The following FKBP14 variants were observed in gnomAD, a reference collection of about 807,000 sequenced individuals.
FKBP14 encodes FKBP prolyl isomerase 14, also known as peptidyl-prolyl cis-trans isomerase FKBP14.
Under a neutral mutation model 21.6 loss-of-function variants are expected in FKBP14, and 20 were observed. That is an observed-to-expected ratio of 0.92 (90% CI 0.65 to 1.34). The LOEUF (loss-of-function observed/expected upper bound fraction) is 1.34, where lower values mean the gene tolerates loss of function less well. FKBP14 is among the 40% of genes most tolerant of loss of function. The pLI, the probability that FKBP14 is intolerant of heterozygous loss-of-function variation, is 0.00. For missense variants in FKBP14, 253 were observed against 249.0 expected (o/e 1.02, Z -0.11); for synonymous variants, 79 against 86.7 (o/e 0.91, Z 0.49).
intron 3 of FKBP14, among the ~76,000 whole-genome samples, chr7:30,016,211 C>G (rs938011726): frequency 6.6e-6 from 1 of 151,832 alleles, no homozygotes; most frequent in Non-Finnish European, 1.5e-5. Flanking sequence ...CCCATGGACA[C>G]TTCTCTTAAA....
intron 3 of FKBP14, 44 bp from the exon 4 acceptor site, chr7:30,014,937 A>G: frequency 7.2e-7 from 1 of 1,389,200 alleles, no homozygotes; most frequent in Non-Finnish European, 9.7e-7. Context: ...TTCATAAGAT[A>G]CCCACATTGA....
In FKBP14 at chr7:30,026,628, C is replaced by T; in HGVS notation, c.-120G>A. 1 of 838,212 alleles carries T rather than the reference C, an allele frequency of 1.2e-6. No individual in the cohort carries two copies. Among genetic ancestry groups the T allele is most frequent in the Non-Finnish European group, 1.8e-6 (1 of 558,870 alleles). The allele number at this position is 838,212 out of a possible 1,614,324, so 51.9% of individuals were successfully genotyped here. A position where few individuals can be genotyped will look rare whatever the true frequency, so the allele number is the denominator to read the frequency against. On this transcript the variant is annotated 5_prime_UTR_variant, in exon 1 of 4. Coordinates refer to ENST00000222803, the MANE Select transcript of FKBP14 (RefSeq NM_017946.4). Reference sequence around the variant, plus strand: ...GCTTCAGACAAGTTCAGGACTCCCCCTTCTTAGAAGACGTGGCACATTTAC... The same window carrying T: ...GCTTCAGACAAGTTCAGGACTCCCCTTTCTTAGAAGACGTGGCACATTTAC...
intron 3 of FKBP14, among the ~76,000 whole-genome samples, chr7:30,017,791 G>A (rs1789929513): frequency 6.6e-6 from 1 of 152,106 alleles, no homozygotes; most frequent in African/African-American, 2.4e-5. Flanking sequence ...GAGGTGGGCA[G>A]ATCACGAGGT....
At chr7:30,015,650 G>C (rs960180715) in intron 3 of FKBP14, among the ~76,000 whole-genome samples, 23 of 144,174 alleles carry the variant, frequency 1.6e-4, no homozygotes, top group African/African-American at 5.9e-4. Flanking sequence ...TTTTGAGACG[G>C]AGTCTCACTC....
chr7:30,013,728 A>G lies in FKBP14; in HGVS notation c.*1007T>C, dbSNP rs2127946268. 1 of 152,328 alleles carries G rather than the reference A, an allele frequency of 6.6e-6. No individual in the cohort carries two copies. The highest frequency in any genetic ancestry group is 1.5e-5 in the Non-Finnish European group (1 of 68,022). 9.4% of individuals were successfully genotyped at this position (152,328 alleles called of 1,614,324 possible). A position where few individuals can be genotyped will look rare whatever the true frequency, so the allele number is the denominator to read the frequency against. ...ATAAATATAACTTTCTACCTCATCT[A>G]TAACATATTGATACATTTTATTACA... On this transcript the variant is annotated 3_prime_UTR_variant, in exon 4 of 4. Transcript: ENST00000222803.
chr7:30,007,473 G>C (rs1789638209), downstream of FKBP14, among the ~76,000 whole-genome samples: 1 of 152,150 alleles, frequency 6.6e-6, no homozygotes, highest in Non-Finnish European at 1.5e-5. Flanking sequence ...CTCCAAAAGT[G>C]CTGGGATTAC....
At chr7:30,019,279 C>T (rs1370171196) in intron 2 of FKBP14, among the ~76,000 whole-genome samples, 156 bp from the exon 3 acceptor site, 1 of 151,504 alleles carries the variant, frequency 6.6e-6, no homozygotes, top group East Asian at 1.9e-4. Context: ...ATATTTTACT[C>T]GAATAGAATA....
intron 1 of FKBP14, 42 bp downstream of exon 1, chr7:30,026,270 G>A (rs1185952953): frequency 9.1e-6 from 14 of 1,543,526 alleles, no homozygotes; most frequent in Non-Finnish European, 1.2e-5. Context: ...TAAGTGAGTG[G>A]ATTCTTAATT....
intron 1 of FKBP14, among the ~76,000 whole-genome samples, chr7:30,024,906 T>C (rs1031073338): frequency 2.3e-4 from 35 of 152,284 alleles, no homozygotes; most frequent in African/African-American, 8.4e-4. Flanking sequence ...AGACTAAAAA[T>C]AACAATATAA....
chr7:30,024,738 C>G (rs1444453023), intron 1 of FKBP14, among the ~76,000 whole-genome samples: 1 of 152,208 alleles, frequency 6.6e-6, no homozygotes, highest in Non-Finnish European at 1.5e-5. Flanking sequence ...TTAGCAGCTT[C>G]TGACCATTTA....
At position 30,026,522 on chromosome 7, in the gene FKBP14, G is replaced by A; in HGVS notation, c.-14C>T. The A allele has an allele frequency of 6.3e-7, 1 of 1,599,398 alleles. No homozygotes were observed. The highest frequency in any genetic ancestry group is 8.5e-7 in the Non-Finnish European group (1 of 1,173,656). ...GAAAAGCCTCATGTTGCTGAAGCAA[G>A]GAAAGAAGTCCCTACAAAAGCAGCG... On this transcript the variant is annotated 5_prime_UTR_variant, in exon 1 of 4. Transcript: ENST00000222803.
chr7:30,017,740 C>G, intron 3 of FKBP14, among the ~76,000 whole-genome samples: 1 of 151,814 alleles, frequency 6.6e-6, no homozygotes, highest in African/African-American at 2.4e-5. Context: ...TTCTGCTGGG[C>G]ACAGTGGTTC....
At chr7:30,018,752 A>G (rs1789955723) in intron 3 of FKBP14, among the ~76,000 whole-genome samples, 1 of 152,242 alleles carries the variant, frequency 6.6e-6, no homozygotes, top group Admixed American at 6.5e-5. Context: ...GAAAAAAGCA[A>G]AAGATTGAAT....
intron 2 of FKBP14, chr7:30,020,179 A>G: frequency 3.7e-6 from 4 of 1,083,370 alleles, no homozygotes; most frequent in Non-Finnish European, 4.7e-6. Flanking sequence ...CATAAATTCC[A>G]AAGAGAAGAC....
chr7:30,018,025 AT>A (rs1789938792), intron 3 of FKBP14, among the ~76,000 whole-genome samples: 1 of 151,576 alleles, frequency 6.6e-6, no homozygotes, highest in Non-Finnish European at 1.5e-5. Context: ...AAATAAATAA[AT>A]AAATAAATAA....
At chr7:30,026,089 TTAAC>T (rs1790164199) in intron 1 of FKBP14, among the ~76,000 whole-genome samples, 1 of 152,136 alleles carries the variant, frequency 6.6e-6, no homozygotes, top group Non-Finnish European at 1.5e-5. Flanking sequence ...ATAAAAAAAA[TTAAC>T]AGCCTTTTCC....
intron 2 of FKBP14, among the ~76,000 whole-genome samples, chr7:30,021,503 T>C (rs1056233456): frequency 3.3e-5 from 5 of 152,106 alleles, no homozygotes; most frequent in African/African-American, 1.2e-4. Flanking sequence ...GATATCTAAT[T>C]ATTCCCTTAG....
At position 30,010,771 on chromosome 7, in the gene FKBP14, T is replaced by C. The variant is rs1297477473; in HGVS notation, c.*3964A>G. 6.6e-6 allele frequency: 1 copy of C among 152,224 alleles called. No homozygotes were observed. The highest frequency in any genetic ancestry group is 6.5e-5 in the Admixed American group (1 of 15,282). 9.4% of individuals were successfully genotyped at this position (152,224 alleles called of 1,614,324 possible). The stretch of plus-strand genomic sequence containing the variant: ...ATGGAGTTGAAAAATTCCTGTCACC[T>C]GCTAGGGATGTCTTGATCCTGACCC... On this transcript the variant is annotated 3_prime_UTR_variant, in exon 4 of 4. Coordinates refer to ENST00000222803, the MANE Select transcript of FKBP14 (RefSeq NM_017946.4).
chr7:30,006,170 GA>G (rs1471930024), downstream of FKBP14, among the ~76,000 whole-genome samples: 1 of 137,678 alleles, frequency 7.3e-6, no homozygotes, highest in African/African-American at 2.7e-5. Flanking sequence ...TACCCAGGCT[GA>G]AGTGCAATGC....
Sources: gnomAD v4.1 joint callset for allele counts (sites outside exome capture counted in the v4.1 genomes callset) on GRCh38, gnomAD v4.1.1 for gene constraint, MANE v1.5 for transcripts, NCBI Gene and HGNC (gene_info 2026-07-23, HGNC 2026-07-21) for gene names.